Variants in TFDP1 observed in about 807,000 individuals in gnomAD.
The protein encoded by TFDP1 is transcription factor Dp-1, also known as DRTF1-polypeptide 1.
In TFDP1, 6 loss-of-function variants were observed where a neutral mutation model predicts 48.0. That is an observed-to-expected ratio of 0.13 (90% CI 0.07 to 0.25). TFDP1 has a LOEUF of 0.25. TFDP1 is among the 10% of genes least tolerant of loss of function. The pLI is 1.00. For synonymous variants in TFDP1, 201 were observed against 211.6 expected (o/e 0.95, Z 0.44); for missense variants, 335 against 543.0 (o/e 0.62, Z 3.81).
chr13:113,617,658 G>C (rs1218983908), intron 3 of TFDP1, among the ~76,000 whole-genome samples: 2 of 133,436 alleles, frequency 1.5e-5, no homozygotes, highest in East Asian at 2.5e-4. Flanking sequence ...CTGCAGAGCC[G>C]CTCACCTGCA....
chr13:113,608,380 G>C (rs534041531), intron 2 of TFDP1, among the ~76,000 whole-genome samples: 54 of 152,362 alleles, frequency 3.5e-4, no homozygotes, highest in African/African-American at 1.1e-3. Flanking sequence ...CACAGGCTGG[G>C]GCTGGAGTGC....
At chr13:113,600,851 C>A (rs1412794415) in intron 2 of TFDP1, among the ~76,000 whole-genome samples, 7 of 143,310 alleles carry the variant, frequency 4.9e-5, no homozygotes, top group Non-Finnish European at 1.5e-5. Flanking sequence ...AACTCCAGGA[C>A]CGTGATAGAG....
chr13:113,586,921 C>G (rs887270461), intron 2 of TFDP1, among the ~76,000 whole-genome samples: 1 of 152,196 alleles, frequency 6.6e-6, no homozygotes, highest in African/African-American at 2.4e-5. Flanking sequence ...CGTACCATGC[C>G]CTGACCTCGT....
At chr13:113,614,616 C>G (rs536164316) in intron 3 of TFDP1, among the ~76,000 whole-genome samples, 7 of 152,222 alleles carry the variant, frequency 4.6e-5, no homozygotes, top group African/African-American at 1.4e-4. Context: ...CTCATGGGCC[C>G]CTGGCCCTGG....
At chr13:113,628,917 G>A (rs1481567679) in intron 4 of TFDP1, among the ~76,000 whole-genome samples, 1 of 152,210 alleles carries the variant, frequency 6.6e-6, no homozygotes, top group African/African-American at 2.4e-5. Flanking sequence ...TCTGTTGAAT[G>A]GGAGACTGGA....
At chr13:113,616,258 C>T (rs149701836) in intron 3 of TFDP1, among the ~76,000 whole-genome samples, 63 of 151,428 alleles carry the variant, frequency 4.2e-4, no homozygotes, top group African/African-American at 1.5e-3. Flanking sequence ...CGTGCACTTT[C>T]GCAGCTGGTG....
intron 4 of TFDP1, among the ~76,000 whole-genome samples, chr13:113,625,369 G>A (rs1451953272): frequency 5.8e-5 from 7 of 120,146 alleles, no homozygotes; most frequent in African/African-American, 2.4e-4. Context: ...GTGTCCTCAG[G>A]CGTCTCTCAC....
chr13:113,595,178 A>T (rs2048256176), intron 2 of TFDP1, among the ~76,000 whole-genome samples: 1 of 152,220 alleles, frequency 6.6e-6, no homozygotes, highest in Non-Finnish European at 1.5e-5. Context: ...ATTAAAAAAA[A>T]GACGCTGTAC....
chr13:113,620,709 G>C (rs1594490725), intron 3 of TFDP1, among the ~76,000 whole-genome samples: 1 of 152,132 alleles, frequency 6.6e-6, no homozygotes, highest in South Asian at 2.1e-4. Context: ...CTTTTCAATT[G>C]AATATTCTGA....
chr13:113,605,610 G>A (rs1482566763), intron 2 of TFDP1, among the ~76,000 whole-genome samples: 3 of 152,244 alleles, frequency 2.0e-5, no homozygotes, highest in African/African-American at 4.8e-5. Context: ...CTGCTTCCAA[G>A]ATGTCTCACC....
chr13:113,613,544 ATGTG>A (rs559034371), intron 3 of TFDP1, among the ~76,000 whole-genome samples: 5 of 151,310 alleles, frequency 3.3e-5, no homozygotes, highest in Non-Finnish European at 5.9e-5. Context: ...TGTGTGAGGA[ATGTG>A]TGTGTCACTG....
chr13:113,598,084 A>C lies in TFDP1; in HGVS notation c.12+12235A>C, dbSNP rs1051083388. Among the ~76,000 whole-genome samples, 4 of 152,170 alleles carry C rather than the reference A, an allele frequency of 2.6e-5. No individual in the cohort carries two copies. The highest frequency in any genetic ancestry group is 9.7e-5 in the African/African-American group (4 of 41,442). On this transcript the variant is annotated intron_variant, in intron 2 of 11. Coordinates refer to ENST00000375370, the MANE Select transcript of TFDP1 (RefSeq NM_007111.5). The surrounding 1 kb of genome is among the most constrained non-coding windows in gnomAD (Gnocchi z 4.2). Reference sequence around the variant, plus strand: ...CGACATTTCAGGTGAGTTGTCATCAAGAGTGCAGAATCCAACTGTGTTGGG... The same window carrying C: ...CGACATTTCAGGTGAGTTGTCATCACGAGTGCAGAATCCAACTGTGTTGGG...
intron 2 of TFDP1, among the ~76,000 whole-genome samples, chr13:113,605,675 G>A (rs1025802754): frequency 5.3e-5 from 8 of 152,246 alleles, no homozygotes; most frequent in African/African-American, 1.9e-4. Flanking sequence ...AGGGCCGCTT[G>A]AGTATCCTCA....
intron 2 of TFDP1, among the ~76,000 whole-genome samples, chr13:113,599,454 A>G (rs929749743): frequency 6.6e-6 from 1 of 152,224 alleles, no homozygotes; most frequent in African/African-American, 2.4e-5. Context: ...CGCCCCCTCC[A>G]GGCTGCTGGA....
chr13:113,635,277 G>A (rs545113491), intron 8 of TFDP1, among the ~76,000 whole-genome samples: 1 of 152,340 alleles, frequency 6.6e-6, no homozygotes, highest in South Asian at 2.1e-4. Flanking sequence ...AGCCCTCCCA[G>A]AGGGGACGGT....
chr13:113,619,491 A>AC (rs2048944608), intron 3 of TFDP1, among the ~76,000 whole-genome samples: 1 of 150,620 alleles, frequency 6.6e-6, no homozygotes, highest in African/African-American at 2.5e-5. Context: ...CAAAAAAAAA[A>AC]AAAAAAAAAG....
intron 11 of TFDP1, among the ~76,000 whole-genome samples, chr13:113,638,828 A>G (rs937210584): frequency 5.9e-5 from 9 of 152,354 alleles, no homozygotes; most frequent in Middle Eastern, 3.4e-3. Flanking sequence ...GTGATACAAT[A>G]TATAGTATTA....
intron 3 of TFDP1, among the ~76,000 whole-genome samples, chr13:113,619,253 A>G (rs568784666): frequency 6.6e-6 from 1 of 152,278 alleles, no homozygotes; most frequent in Admixed American, 6.5e-5. Context: ...CAGGCGGATC[A>G]CCAGAGGTCA....
intron 3 of TFDP1, among the ~76,000 whole-genome samples, chr13:113,612,186 A>C (rs1465327834): frequency 3.9e-5 from 6 of 152,124 alleles, no homozygotes; most frequent in Admixed American, 3.3e-4. Context: ...GCGGGCGCCC[A>C]TGGTGCCATC....
Sources: allele counts gnomAD v4.1 joint callset (sites outside exome capture counted in the v4.1 genomes callset), GRCh38; gene constraint gnomAD v4.1.1; non-coding constraint Gnocchi (gnomAD v3.1); transcripts MANE v1.5; gene names NCBI Gene and HGNC (gene_info 2026-07-23, HGNC 2026-07-21).